Variants in PITPNC1 observed in about 807,000 individuals in gnomAD.
PITPNC1 encodes phosphatidylinositol transfer protein cytoplasmic 1.
Under a neutral mutation model 44.7 loss-of-function variants are expected in PITPNC1, and 18 were observed. The observed-to-expected ratio is 0.40, with a 90% CI of 0.28 to 0.60. The LOEUF (loss-of-function observed/expected upper bound fraction) is 0.60, where lower values mean the gene tolerates loss of function less well. PITPNC1 is among the 20% of genes least tolerant of loss of function. The pLI, the probability that PITPNC1 is intolerant of heterozygous loss-of-function variation, is 0.39. For missense variants in PITPNC1, 290 were observed against 418.4 expected (o/e 0.69, Z 2.68); for synonymous variants, 141 against 149.6 (o/e 0.94, Z 0.42).
At chr17:67,652,850 T>TC (rs34488615) in intron 6 of PITPNC1, among the ~76,000 whole-genome samples, 15,779 of 152,166 alleles carry the variant, frequency 0.1, 869 homozygotes, top group Middle Eastern at 0.17. Flanking sequence ...TGGGTTTGTG[T>TC]CCCCCCAGAA....
chr17:67,596,950 G>C (rs1598866742), intron 5 of PITPNC1, among the ~76,000 whole-genome samples: 1 of 151,900 alleles, frequency 6.6e-6, no homozygotes, highest in East Asian at 1.9e-4. Flanking sequence ...CCGTAGAGCA[G>C]TGGCACAATT....
intron 1 of PITPNC1, among the ~76,000 whole-genome samples, chr17:67,529,114 C>G (rs907169297): frequency 1.3e-5 from 2 of 152,140 alleles, no homozygotes; most frequent in Non-Finnish European, 2.9e-5. Context: ...GTGTCTGCCC[C>G]GCGCCGGCTC....
At chr17:67,590,770 G>T (rs2041379022) in intron 5 of PITPNC1, among the ~76,000 whole-genome samples, 1 of 151,974 alleles carries the variant, frequency 6.6e-6, no homozygotes, top group African/African-American at 2.4e-5. Flanking sequence ...GGAGACCACG[G>T]TGAAACCCCA....
At chr17:67,434,525 C>T (rs1309726606) in intron 1 of PITPNC1, among the ~76,000 whole-genome samples, 2 of 152,272 alleles carry the variant, frequency 1.3e-5, no homozygotes, top group African/African-American at 2.4e-5. Flanking sequence ...AAGCCCGGAG[C>T]TCAGGCTGGG....
chr17:67,674,364 C>T (rs1404377616), intron 7 of PITPNC1, among the ~76,000 whole-genome samples: 7 of 151,952 alleles, frequency 4.6e-5, no homozygotes, highest in African/African-American at 1.7e-4. Context: ...ATTAGCCAGG[C>T]ATGGTGGTGC....
chr17:67,692,789 C>A lies in PITPNC1; in HGVS notation c.900C>A (p.Ala300=). 9 of 1,613,702 alleles carry A rather than the reference C, an allele frequency of 5.6e-6. No individual in the cohort carries two copies. The highest frequency in any genetic ancestry group is 7.6e-6 in the Non-Finnish European group (9 of 1,179,690). The part of the protein sequence containing the change: ...VPKDRPRKKS[A]PETLTLPDPE... ...AAGATCGGCCCCGGAAAAAGTCTGC[C>A]CCAGAAACTCTCACACTTCCAGACC... The change falls in exon 9 of 9, where the codon GCC becomes GCA. Residue 300 remains alanine, a synonymous_variant. Transcript: ENST00000581322.
rs191882266 is a variant in PITPNC1, at chr17:67,473,477, C to G, written c.49-59325C>G. 4.8e-3 allele frequency among the ~76,000 whole-genome samples: 728 copies of G among 152,110 alleles called. 7 individuals are homozygous for G. Among genetic ancestry groups the G allele is most frequent in the African/African-American group, 0.017 (709 of 41,510 alleles). ...CCGAGTAGCTGGGACTACAGGCGCC[C>G]GCCACTACATCCGGCTAATTTTTTT... On this transcript the variant is annotated intron_variant, in intron 1 of 8. Transcript: ENST00000581322.
chr17:67,596,542 G>T (rs903973476), intron 5 of PITPNC1, among the ~76,000 whole-genome samples: 2 of 151,934 alleles, frequency 1.3e-5, no homozygotes, highest in Non-Finnish European at 2.9e-5. Flanking sequence ...ATAGAGTCTC[G>T]CTCTGTCGTC....
chr17:67,465,989 C>CTTTA lies in PITPNC1; in HGVS notation c.49-66789_49-66786dup, dbSNP rs35282153. Reference sequence around the variant, plus strand: ...TTCCCCCCCGTCAGGCAAGGTCGGCCTTTATTTATTTATTTATTTATTTAT... The same window carrying CTTTA: ...TTCCCCCCCGTCAGGCAAGGTCGGCCTTTATTTATTTATTTATTTATTTATTTAT... On this transcript the variant is annotated intron_variant, in intron 1 of 8. Transcript: ENST00000581322. 6.5e-3 allele frequency among the ~76,000 whole-genome samples: 962 copies of CTTTA among 148,728 alleles called. 8 individuals carry two copies. Among genetic ancestry groups the CTTTA allele is most frequent in the Middle Eastern group, 0.017 (5 of 294 alleles).
chr17:67,569,795 G>A (rs2041027314), intron 4 of PITPNC1, among the ~76,000 whole-genome samples: 1 of 152,036 alleles, frequency 6.6e-6, no homozygotes, highest in Non-Finnish European at 1.5e-5. Context: ...AGGGGGTTGG[G>A]GCAAAATAAA....
At chr17:67,525,417 A>G (rs1349369763) in intron 1 of PITPNC1, 1 of 152,278 alleles carries the variant, frequency 6.6e-6, no homozygotes, top group African/African-American at 2.4e-5. Context: ...CTGTGTTCCA[A>G]TAAAACTTTA....
At chr17:67,583,741 C>CTGGAG (rs2041267379) in intron 5 of PITPNC1, among the ~76,000 whole-genome samples, 1 of 134,784 alleles carries the variant, frequency 7.4e-6, no homozygotes. Flanking sequence ...GTCACCCAGG[C>CTGGAG]TGGAGTGCAG....
intron 1 of PITPNC1, among the ~76,000 whole-genome samples, chr17:67,429,544 C>A (rs918763020): frequency 6.6e-6 from 1 of 151,992 alleles, no homozygotes; most frequent in Admixed American, 6.6e-5. Flanking sequence ...ACTAAAATTA[C>A]AAAATTAGCT....
chr17:67,444,597 T>C (rs1351252007), intron 1 of PITPNC1, among the ~76,000 whole-genome samples: 1 of 151,798 alleles, frequency 6.6e-6, no homozygotes, highest in African/African-American at 2.4e-5. Context: ...AAAAAGCAGA[T>C]TAATAGAAGA....
rs1250503515 is a variant in PITPNC1, at chr17:67,583,879, GTGTGTGTGTGTGTGTGTT to G, written c.366+5638_366+5655del. ...CCTGGCTAATTTTGTGTGTGTGTGT[GTGTGTGTGTGTGTGTGTT>G]TGTGTGTGTGTGTGTTTGTGTTTAG... On this transcript the variant is annotated intron_variant, in intron 5 of 8. Transcript: ENST00000581322. Among the ~76,000 whole-genome samples, 557 of 123,756 alleles carry G rather than the reference GTGTGTGTGTGTGTGTGTT, an allele frequency of 4.5e-3. 6 individuals are homozygous for G. The highest frequency in any genetic ancestry group is 0.015 in the African/African-American group (516 of 34,442). The allele number at this position is 123,756 out of a possible 152,430, so 81.2% of individuals were successfully genotyped here.
intron 1 of PITPNC1, among the ~76,000 whole-genome samples, chr17:67,532,268 T>C (rs2040472231): frequency 6.6e-6 from 1 of 152,134 alleles, no homozygotes; most frequent in Non-Finnish European, 1.5e-5. Context: ...TTTCAGGTGA[T>C]TCTAATATCC....
intron 2 of PITPNC1, among the ~76,000 whole-genome samples, chr17:67,541,468 TACACACAC>T (rs3051696): frequency 6.7e-6 from 1 of 149,598 alleles, no homozygotes; most frequent in African/African-American, 2.4e-5. Flanking sequence ...CAATTATACA[TACACACAC>T]ACACACACAC....
intron 1 of PITPNC1, among the ~76,000 whole-genome samples, chr17:67,401,250 G>A (rs77877067): frequency 6.6e-6 from 1 of 151,952 alleles, no homozygotes; most frequent in Non-Finnish European, 1.5e-5. Context: ...TCTTTCTTTT[G>A]AGATAAAATC....
At chr17:67,434,826 A>AGGCCAGGCTAGGT (rs1201076894) in intron 1 of PITPNC1, among the ~76,000 whole-genome samples, 8 of 150,682 alleles carry the variant, frequency 5.3e-5, no homozygotes, top group African/African-American at 1.9e-4. Flanking sequence ...AAAAAATAAA[A>AGGCCAGGCTAGGT]GGCCAGGCTA....
Sources: gnomAD v4.1 joint callset for allele counts (sites outside exome capture counted in the v4.1 genomes callset) on GRCh38, gnomAD v4.1.1 for gene constraint, MANE v1.5 for transcripts, NCBI Gene and HGNC (gene_info 2026-07-23, HGNC 2026-07-21) for gene names.